The following KHDRBS2 variants were observed in gnomAD, a reference collection of about 807,000 sequenced individuals.
KHDRBS2 encodes the protein KH domain-containing, RNA-binding, signal transduction-associated protein 2.
Under a neutral mutation model 44.3 loss-of-function variants are expected in KHDRBS2, and 26 were observed. The observed-to-expected ratio is 0.59, with a 90% CI of 0.43 to 0.81. KHDRBS2 has a LOEUF of 0.81. Ranked by LOEUF, KHDRBS2 falls within the 40% of genes least tolerant of loss-of-function variation. The pLI is 0.00. For missense variants in KHDRBS2, 476 were observed against 433.1 expected (o/e 1.10, Z -0.88); for synonymous variants, 194 against 151.1 (o/e 1.28, Z -2.08).
At chr6:62,268,767 G>C (rs1192468384) in intron 1 of KHDRBS2, among the ~76,000 whole-genome samples, 2 of 151,722 alleles carry the variant, frequency 1.3e-5, no homozygotes, top group Non-Finnish European at 2.9e-5. Flanking sequence ...TACTAGATAG[G>C]ATTACATAGC....
intron 1 of KHDRBS2, among the ~76,000 whole-genome samples, chr6:62,181,663 C>T (rs532813230): frequency 6.6e-6 from 1 of 152,012 alleles, no homozygotes; most frequent in South Asian, 2.1e-4. Flanking sequence ...ACCATATGAC[C>T]TAGTTGTTAT....
the KHDRBS2 span, among the ~76,000 whole-genome samples, chr6:61,628,224 TTTTTTTTTTTTTTTTTTC>T: frequency 8.3e-5 from 7 of 84,622 alleles, no homozygotes; most frequent in African/African-American, 1.3e-4. Flanking sequence ...TTTTTTTTTT[TTTTTTTTTTTTTTTTTTC>T]AACCTGGGCT....
intron 2 of KHDRBS2, among the ~76,000 whole-genome samples, chr6:62,123,325 T>C (rs936264996): frequency 2.0e-5 from 3 of 152,202 alleles, no homozygotes; most frequent in Admixed American, 1.3e-4. Context: ...TGGTTCCAAG[T>C]CTTTGCTATT....
At chr6:61,769,660 G>C (rs1380143983) in intron 6 of KHDRBS2, among the ~76,000 whole-genome samples, 3 of 152,192 alleles carry the variant, frequency 2.0e-5, no homozygotes, top group Admixed American at 1.3e-4. Context: ...CGAGTTACTT[G>C]TTTGATTAGG....
intron 2 of KHDRBS2, among the ~76,000 whole-genome samples, chr6:62,139,302 C>G (rs1812247111): frequency 6.6e-6 from 1 of 151,994 alleles, no homozygotes; most frequent in Non-Finnish European, 1.5e-5. Flanking sequence ...CCTGTAATCC[C>G]AGCACTTTGG....
intron 2 of KHDRBS2, among the ~76,000 whole-genome samples, chr6:62,070,290 TA>T (rs1235216836): frequency 6.6e-6 from 1 of 151,358 alleles, no homozygotes; most frequent in African/African-American, 2.4e-5. Context: ...GTTTTGGCAT[TA>T]AAAAAATACT....
chr6:61,848,511 G>GTATATATATATATA (rs1178845054), intron 6 of KHDRBS2, among the ~76,000 whole-genome samples: 7 of 30,072 alleles, frequency 2.3e-4, no homozygotes, highest in Non-Finnish European at 3.6e-4. Flanking sequence ...ATATATATAT[G>GTATATATATATATA]TATATATGTA....
intron 4 of KHDRBS2, among the ~76,000 whole-genome samples, chr6:61,938,887 GTCC>G (rs1181219329): frequency 1.3e-5 from 2 of 152,102 alleles, no homozygotes; most frequent in African/African-American, 2.4e-5. Flanking sequence ...TGCACCAAGT[GTCC>G]TCCTCAAGGG....
intron 2 of KHDRBS2, among the ~76,000 whole-genome samples, chr6:62,105,388 T>C (rs1374224469): frequency 6.6e-6 from 1 of 152,112 alleles, no homozygotes; most frequent in Non-Finnish European, 1.5e-5. Context: ...GAACCAACAG[T>C]TGTGAATCCA....
At chr6:61,979,061 C>T (rs1773315927) in intron 3 of KHDRBS2, among the ~76,000 whole-genome samples, 1 of 152,070 alleles carries the variant, frequency 6.6e-6, no homozygotes, top group African/African-American at 2.4e-5. Context: ...TACAGCAAAT[C>T]AATATGTGAT....
chr6:61,867,829 C>T (rs1275779097), intron 6 of KHDRBS2, among the ~76,000 whole-genome samples: 1 of 152,164 alleles, frequency 6.6e-6, no homozygotes, highest in East Asian at 1.9e-4. Context: ...TCTGGGAGCT[C>T]CATCCCAGGG....
At chr6:61,936,304 G>A (rs1191577140) in intron 4 of KHDRBS2, among the ~76,000 whole-genome samples, 2 of 151,832 alleles carry the variant, frequency 1.3e-5, no homozygotes, top group Admixed American at 1.3e-4. Flanking sequence ...CTTTAAACAG[G>A]CAAACTGGCT....
chr6:62,036,588 T>A (rs1785331783), intron 3 of KHDRBS2, among the ~76,000 whole-genome samples: 1 of 152,160 alleles, frequency 6.6e-6, no homozygotes, highest in Admixed American at 6.6e-5. Flanking sequence ...TCTATTTATT[T>A]AACTTAGGTT....
intron 6 of KHDRBS2, among the ~76,000 whole-genome samples, chr6:61,790,030 T>C (rs1009208496): frequency 6.6e-6 from 1 of 151,462 alleles, no homozygotes; most frequent in Non-Finnish European, 1.5e-5. Flanking sequence ...TTTATGTTGG[T>C]TTGGGTGCTA....
At chr6:62,243,617 A>G (rs1050832915) in intron 1 of KHDRBS2, among the ~76,000 whole-genome samples, 1 of 152,030 alleles carries the variant, frequency 6.6e-6, no homozygotes, top group African/African-American at 2.4e-5. Flanking sequence ...AAAAAAAAAA[A>G]ACTCATTATA....
intron 4 of KHDRBS2, among the ~76,000 whole-genome samples, chr6:61,913,766 C>CT (rs1211756049): frequency 6.6e-6 from 1 of 151,988 alleles, no homozygotes; most frequent in Non-Finnish European, 1.5e-5. Flanking sequence ...AATATATGAA[C>CT]TGAGACCCAA....
At chr6:62,197,920 A>G (rs975258893) in intron 1 of KHDRBS2, among the ~76,000 whole-genome samples, 4 of 152,228 alleles carry the variant, frequency 2.6e-5, no homozygotes, top group African/African-American at 7.2e-5. Flanking sequence ...ACTACAACTC[A>G]GCATTAAGAA....
intron 1 of KHDRBS2, among the ~76,000 whole-genome samples, chr6:62,275,882 A>T (rs1166277902): frequency 1.3e-5 from 2 of 152,168 alleles, no homozygotes; most frequent in African/African-American, 4.8e-5. Context: ...TAAAATAGGG[A>T]CAATATTAGC....
chr6:61,613,797 A>G, the KHDRBS2 span, among the ~76,000 whole-genome samples: 1 of 45,886 alleles, frequency 2.2e-5, no homozygotes, highest in African/African-American at 6.4e-5. Context: ...TTGGCATTCT[A>G]CAGCAATCTT....
Sources: allele counts gnomAD v4.1 joint callset (sites outside exome capture counted in the v4.1 genomes callset), GRCh38; gene constraint gnomAD v4.1.1; transcripts MANE v1.5; gene names NCBI Gene and HGNC (gene_info 2026-07-23, HGNC 2026-07-21).